Variants in DPP10 observed in about 807,000 individuals in gnomAD.
DPP10 encodes the protein inactive dipeptidyl peptidase 10.
In DPP10, 33 loss-of-function variants were observed where a neutral mutation model predicts 120.9. The ratio of observed to expected loss-of-function variants is 0.27; its 90% CI spans 0.21 to 0.37. The LOEUF (loss-of-function observed/expected upper bound fraction) is 0.37, where lower values mean the gene tolerates loss of function less well. Among genes scored for constraint, DPP10 ranks in the 10% least tolerant of loss-of-function variants. DPP10 has a pLI of 1.00. For synonymous variants in DPP10, 337 were observed against 326.1 expected (o/e 1.03, Z -0.36); for missense variants, 816 against 942.8 (o/e 0.87, Z 1.76).
At chr2:114,749,122 A>T (rs1407238365) in intron 1 of DPP10, among the ~76,000 whole-genome samples, 2 of 145,012 alleles carry the variant, frequency 1.4e-5, no homozygotes, top group East Asian at 2.1e-4. Flanking sequence ...GATATCTCAT[A>T]GTGGTTTTGA....
intron 1 of DPP10, among the ~76,000 whole-genome samples, chr2:115,194,935 A>G (rs1001539275): frequency 9.9e-5 from 15 of 152,210 alleles, no homozygotes; most frequent in Admixed American, 4.6e-4. Flanking sequence ...CCTTTGATGC[A>G]TTATGCACAG....
intron 1 of DPP10, among the ~76,000 whole-genome samples, chr2:115,099,237 C>T (rs543976742): frequency 6.6e-6 from 1 of 152,038 alleles, no homozygotes; most frequent in Middle Eastern, 3.2e-3. Flanking sequence ...TCACTTGAAC[C>T]CAGGAGGCGG....
intron 5 of DPP10, among the ~76,000 whole-genome samples, chr2:115,556,620 T>G (rs2080233965): frequency 6.6e-6 from 1 of 152,076 alleles, no homozygotes; most frequent in African/African-American, 2.4e-5. Flanking sequence ...AGGATTTAGT[T>G]AGGGCATTCA....
chr2:115,410,232 A>G (rs554699251), intron 3 of DPP10, among the ~76,000 whole-genome samples: 2 of 152,228 alleles, frequency 1.3e-5, no homozygotes, highest in Non-Finnish European at 2.9e-5. Context: ...AATCAACTCA[A>G]ATGCCCATCA....
At chr2:114,632,088 A>G (rs957207855) in intron 1 of DPP10, among the ~76,000 whole-genome samples, 1 of 152,136 alleles carries the variant, frequency 6.6e-6, no homozygotes, top group African/African-American at 2.4e-5. Flanking sequence ...CTGTAAGCTT[A>G]AATAAGTTAG....
intron 7 of DPP10, among the ~76,000 whole-genome samples, chr2:115,708,345 A>ATTG (rs2092203143): frequency 6.6e-6 from 1 of 151,992 alleles, no homozygotes; most frequent in Non-Finnish European, 1.5e-5. Flanking sequence ...AAGACTTGCT[A>ATTG]ATAATATTGA....
intron 5 of DPP10, among the ~76,000 whole-genome samples, chr2:115,549,029 C>A (rs2079701045): frequency 6.6e-6 from 1 of 152,070 alleles, no homozygotes; most frequent in African/African-American, 2.4e-5. Flanking sequence ...ATCAAGGAAC[C>A]CAGCTAATGG....
intron 1 of DPP10, among the ~76,000 whole-genome samples, chr2:114,710,769 C>T (rs1367465533): frequency 1.3e-5 from 2 of 151,958 alleles, no homozygotes; most frequent in African/African-American, 4.8e-5. Context: ...ATTAAAAGCA[C>T]AGATATGAAA....
chr2:114,740,415 A>G (rs1677920315), intron 1 of DPP10, among the ~76,000 whole-genome samples: 1 of 147,700 alleles, frequency 6.8e-6, no homozygotes, highest in Non-Finnish European at 1.5e-5. Context: ...CTAAATGACG[A>G]GTTAATGGGT....
chr2:115,674,618 C>A (rs2090136048), intron 5 of DPP10, among the ~76,000 whole-genome samples: 1 of 152,110 alleles, frequency 6.6e-6, no homozygotes, highest in Admixed American at 6.5e-5. Flanking sequence ...GGACTGAAGA[C>A]TTGGTCCCTT....
intron 3 of DPP10, among the ~76,000 whole-genome samples, chr2:115,431,425 T>TA (rs1055884161): frequency 3.9e-5 from 6 of 152,104 alleles, no homozygotes; most frequent in Non-Finnish European, 8.8e-5. Flanking sequence ...TCTTGCATAT[T>TA]ACTAGGTCAG....
At chr2:115,227,070 G>A (rs760039613) in intron 1 of DPP10, among the ~76,000 whole-genome samples, 8 of 151,996 alleles carry the variant, frequency 5.3e-5, no homozygotes, top group Non-Finnish European at 1.0e-4. Context: ...GTTCTCTTAG[G>A]CTAAAAATAA....
In DPP10 at chr2:115,436,279, A is replaced by G. The variant is rs189920624; in HGVS notation, c.272-63231A>G. Among the ~76,000 whole-genome samples the G allele has an allele frequency of 5.8e-4, 88 of 151,998 alleles. 2 individuals are homozygous for G. The East Asian group carries it at 0.016, about 27-fold the overall frequency. On this transcript the variant is annotated intron_variant, in intron 3 of 25. Coordinates refer to ENST00000410059, the MANE Select transcript of DPP10 (RefSeq NM_020868.6). ...CTTACCTCTGTGTTTGTCATCTCAT[A>G]TAAACTAAGTGCAATAGATAAAATT... is the stretch of plus-strand genomic sequence containing the variant.
chr2:115,696,405 T>C (rs2091591274), intron 7 of DPP10, among the ~76,000 whole-genome samples: 1 of 152,148 alleles, frequency 6.6e-6, no homozygotes, highest in Non-Finnish European at 1.5e-5. Flanking sequence ...AGCAGATTTC[T>C]CATCAGAAAC....
intron 3 of DPP10, among the ~76,000 whole-genome samples, chr2:115,388,917 C>T (rs1351711084): frequency 1.2e-5 from 1 of 83,590 alleles, no homozygotes; most frequent in Admixed American, 1.6e-4. Flanking sequence ...AAACTTTAAA[C>T]GCTATTCTTT....
intron 1 of DPP10, among the ~76,000 whole-genome samples, chr2:114,552,766 G>C (rs185539407): frequency 3.9e-5 from 6 of 152,070 alleles, no homozygotes; most frequent in Admixed American, 2.6e-4. Context: ...GGATGGTCTC[G>C]AACTCCTGAC....
intron 1 of DPP10, among the ~76,000 whole-genome samples, chr2:114,522,873 G>T (rs1360671001): frequency 6.6e-6 from 1 of 152,172 alleles, no homozygotes; most frequent in Admixed American, 6.5e-5. Flanking sequence ...TTGTAAAACT[G>T]TCAGATCTCC....
intron 5 of DPP10, among the ~76,000 whole-genome samples, 199 bp from the exon 6 acceptor site, chr2:115,689,488 A>G (rs2091189113): frequency 6.6e-6 from 1 of 152,198 alleles, no homozygotes; most frequent in Non-Finnish European, 1.5e-5. Flanking sequence ...TGGATTAAAT[A>G]AGCAATGGAA....
At chr2:115,666,929 A>C (rs1395669823) in intron 5 of DPP10, among the ~76,000 whole-genome samples, 2 of 152,060 alleles carry the variant, frequency 1.3e-5, no homozygotes, top group East Asian at 3.9e-4. Context: ...TTATTTTTTG[A>C]CTTTTTAGTA....
Sources: allele counts gnomAD v4.1 joint callset (sites outside exome capture counted in the v4.1 genomes callset), GRCh38; gene constraint gnomAD v4.1.1; transcripts MANE v1.5; gene names NCBI Gene and HGNC (gene_info 2026-07-23, HGNC 2026-07-21).